The following LRRTM4 variants were observed in gnomAD, a reference collection of about 807,000 sequenced individuals.
LRRTM4 encodes the protein leucine rich repeat transmembrane neuronal 4, also known as leucine-rich repeat transmembrane neuronal protein 4.
A neutral mutation model predicts 47.6 loss-of-function variants in LRRTM4; 25 were observed. The observed-to-expected ratio is 0.53, with a 90% CI of 0.38 to 0.73. The LOEUF (loss-of-function observed/expected upper bound fraction) is 0.73. Among genes scored for constraint, LRRTM4 ranks in the 30% least tolerant of loss-of-function variants. The pLI is 0.00. For missense variants in LRRTM4, 638 were observed against 713.4 expected (o/e 0.89, Z 1.20); for synonymous variants, 311 against 269.5 (o/e 1.15, Z -1.51).
chr2:77,519,399 C>A lies in LRRTM4; in HGVS notation c.470G>T (p.Arg157Leu). Residue 157 changes from arginine to leucine, a missense_variant, in exon 3 of 4, where the codon CGG becomes CTG. Physicochemically the swap from Arg to Leu is moderately radical, Grantham distance 102. Coordinates refer to ENST00000409884, the MANE Select transcript of LRRTM4 (RefSeq NM_001134745.3). The surrounding 1 kb of genome is among the most constrained non-coding windows in gnomAD (Gnocchi z 4.6). Reference protein sequence around the residue: ...TLQSEQFKGLRKLIILHLRSN... With the variant: ...TLQSEQFKGLLKLIILHLRSN... ...TCTCAAGTGCAAAATGATGAGTTTC[C>A]GAAGGCCTTTAAATTGTTCAGATTG... 6.2e-7 allele frequency: 1 copy of A among 1,613,288 alleles called. No homozygotes were observed. The highest frequency in any genetic ancestry group is 8.5e-7 in the Non-Finnish European group (1 of 1,179,602).
chr2:77,463,882 C>A (rs1043969406), intron 3 of LRRTM4, among the ~76,000 whole-genome samples: 1 of 152,056 alleles, frequency 6.6e-6, no homozygotes, highest in Non-Finnish European at 1.5e-5. Flanking sequence ...ATATTACCAG[C>A]GCACCATTAT....
intron 3 of LRRTM4, among the ~76,000 whole-genome samples, chr2:77,296,507 A>AT (rs1676978024): frequency 6.6e-6 from 1 of 152,242 alleles, no homozygotes; most frequent in Admixed American, 6.5e-5. Flanking sequence ...CCTGAACACA[A>AT]TTTTTTAAAT....
At chr2:77,280,107 A>G (rs1311464606) in intron 3 of LRRTM4, among the ~76,000 whole-genome samples, 1 of 152,066 alleles carries the variant, frequency 6.6e-6, no homozygotes, top group East Asian at 1.9e-4. Flanking sequence ...GGTGAGCCCA[A>G]TATAATAATC....
intron 3 of LRRTM4, among the ~76,000 whole-genome samples, chr2:76,970,276 T>A (rs10205174): frequency 6.6e-6 from 1 of 151,814 alleles, no homozygotes; most frequent in African/African-American, 2.4e-5. Flanking sequence ...AAGTACATCA[T>A]GCTGCCTATT....
At chr2:76,943,371 G>A (rs1325000645) in intron 3 of LRRTM4, among the ~76,000 whole-genome samples, 1 of 152,168 alleles carries the variant, frequency 6.6e-6, no homozygotes, top group East Asian at 1.9e-4. Context: ...GGGAGGCAGA[G>A]CTTGCAGTGG....
intron 3 of LRRTM4, among the ~76,000 whole-genome samples, chr2:76,879,936 C>G (rs1672882006): frequency 6.6e-6 from 1 of 152,164 alleles, no homozygotes; most frequent in African/African-American, 2.4e-5. Context: ...AGCGTAAGAA[C>G]TAGAGTTAAA....
At position 77,011,438 on chromosome 2, in the gene LRRTM4, T is replaced by C. The variant is rs533976502; in HGVS notation, c.1552-262522A>G. Among the ~76,000 whole-genome samples the C allele has an allele frequency of 4.7e-4, 71 of 151,988 alleles. 1 individual carries two copies. Among genetic ancestry groups the C allele is most frequent in the Middle Eastern group, 3.4e-3 (1 of 292 alleles). ...GATTTTACACCATTATTGGAACTGG[T>C]AGAGAAAACCATGCAAGATTTTAAC... On this transcript the variant is annotated intron_variant, in intron 3 of 3. Coordinates refer to ENST00000409884, the MANE Select transcript of LRRTM4 (RefSeq NM_001134745.3).
At chr2:77,430,643 C>T (rs1481334250) in intron 3 of LRRTM4, among the ~76,000 whole-genome samples, 1 of 148,094 alleles carries the variant, frequency 6.8e-6, no homozygotes, top group Non-Finnish European at 1.5e-5. Context: ...ATCACTTGAA[C>T]CCAGGAGGCG....
intron 3 of LRRTM4, among the ~76,000 whole-genome samples, chr2:76,870,154 T>C (rs943083234): frequency 6.6e-6 from 1 of 152,202 alleles, no homozygotes; most frequent in Non-Finnish European, 1.5e-5. Context: ...GATGATCTTT[T>C]ATCCTACTAA....
chr2:77,156,661 T>C (rs1672568491), intron 3 of LRRTM4, among the ~76,000 whole-genome samples: 1 of 150,498 alleles, frequency 6.6e-6, no homozygotes, highest in Non-Finnish European at 1.5e-5. Context: ...AAATTCGGGG[T>C]GAGGTAGAAA....
In LRRTM4 at chr2:77,089,483, TA is replaced by T. The variant is rs1426965202; in HGVS notation, c.1552-340568del. Among the ~76,000 whole-genome samples the T allele has an allele frequency of 1.3e-3, 201 of 151,730 alleles. 1 individual carries two copies. The highest frequency in any genetic ancestry group is 4.5e-3 in the African/African-American group (188 of 41,416). On this transcript the variant is annotated intron_variant, in intron 3 of 3. Transcript: ENST00000409884. ...CCCTTATTTCCGTGCCCCGACCTCT[TA>T]TTTCTGCGCCCCATCCCTTATTTCC...
intron 3 of LRRTM4, among the ~76,000 whole-genome samples, chr2:77,014,733 A>T (rs1427619809): frequency 6.6e-6 from 1 of 151,906 alleles, no homozygotes; most frequent in Non-Finnish European, 1.5e-5. Flanking sequence ...AATCGTTTGA[A>T]CCTGGGAGGT....
intron 3 of LRRTM4, among the ~76,000 whole-genome samples, chr2:77,405,161 A>G (rs1204144499): frequency 6.6e-6 from 1 of 152,130 alleles, no homozygotes; most frequent in African/African-American, 2.4e-5. Flanking sequence ...CAGATGTTTG[A>G]GTTGAAAGCT....
chr2:77,386,787 G>T (rs530505126), intron 3 of LRRTM4, among the ~76,000 whole-genome samples: 1 of 152,090 alleles, frequency 6.6e-6, no homozygotes, highest in African/African-American at 2.4e-5. Context: ...GGGCCTGTCG[G>T]GGAGTGGGGG....
intron 3 of LRRTM4, among the ~76,000 whole-genome samples, chr2:77,190,691 T>C (rs1673644510): frequency 6.6e-6 from 1 of 152,190 alleles, no homozygotes; most frequent in Non-Finnish European, 1.5e-5. Context: ...AAAATATGGT[T>C]GACTGTCATG....
intron 3 of LRRTM4, among the ~76,000 whole-genome samples, chr2:77,474,523 T>C (rs1473630252): frequency 6.6e-6 from 1 of 152,070 alleles, no homozygotes; most frequent in Non-Finnish European, 1.5e-5. Flanking sequence ...ATAGAATCAA[T>C]ATAATAGATT....
At chr2:76,827,576 C>T (rs1015774080) in intron 3 of LRRTM4, among the ~76,000 whole-genome samples, 3 of 151,770 alleles carry the variant, frequency 2.0e-5, no homozygotes, top group Admixed American at 1.3e-4. Context: ...AGCATTGAAA[C>T]ATTTCTTATC....
intron 3 of LRRTM4, among the ~76,000 whole-genome samples, chr2:77,082,918 G>A (rs1200725813): frequency 1.3e-5 from 2 of 151,914 alleles, no homozygotes; most frequent in African/African-American, 2.4e-5. Flanking sequence ...ACGACTTGTT[G>A]TGCATCTTAT....
intron 3 of LRRTM4, among the ~76,000 whole-genome samples, chr2:77,219,084 G>A (rs564246214): frequency 5.7e-4 from 87 of 152,186 alleles, no homozygotes; most frequent in Non-Finnish European, 9.9e-4. Context: ...AAATAGGCAG[G>A]GTTAAAATTG....
Sources: gnomAD v4.1 joint callset for allele counts (sites outside exome capture counted in the v4.1 genomes callset) on GRCh38, gnomAD v4.1.1 for gene constraint, Gnocchi (gnomAD v3.1) non-coding constraint, MANE v1.5 for transcripts, NCBI Gene and HGNC (gene_info 2026-07-23, HGNC 2026-07-21) for gene names.